The following ADGRA1 variants were observed in gnomAD, a reference collection of about 807,000 sequenced individuals.
ADGRA1 encodes the protein G-protein coupled receptor 123.
Under a neutral mutation model 21.3 loss-of-function variants are expected in ADGRA1, and 12 were observed. The ratio of observed to expected loss-of-function variants is 0.56; its 90% CI spans 0.36 to 0.91. The LOEUF (loss-of-function observed/expected upper bound fraction) is 0.91, where lower values mean the gene tolerates loss of function less well. Among genes scored for constraint, ADGRA1 ranks in the 40% least tolerant of loss-of-function variants. ADGRA1 has a pLI of 0.01. For synonymous variants in ADGRA1, 385 were observed against 368.8 expected (o/e 1.04, Z -0.50); for missense variants, 790 against 805.6 (o/e 0.98, Z 0.23).
chr10:133,105,120 G>A (rs1851869042), intron 5 of ADGRA1, among the ~76,000 whole-genome samples: 1 of 152,240 alleles, frequency 6.6e-6, no homozygotes. Context: ...CAGAAATTTA[G>A]TTCCTGAGTT....
At chr10:133,106,423 G>C (rs1264787461) in intron 5 of ADGRA1, among the ~76,000 whole-genome samples, 1 of 152,242 alleles carries the variant, frequency 6.6e-6, no homozygotes, top group Non-Finnish European at 1.5e-5. Flanking sequence ...CTGTGGTCCT[G>C]CCTGGGACCC....
Position 133,129,338 on chromosome 10 carries a change from G to T in ADGRA1, c.1510G>T (p.Ala504Ser). Residue 504 changes from alanine to serine, a missense_variant, in exon 7 of 7, where the codon GCA becomes TCA. By Grantham distance (99) the Ala-to-Ser change is moderately conservative. Transcript: ENST00000392607. ...CTGCCCCACGCAGCCGGGCAGGGAG[G>T]CAGCGCTCGGGCCCGGCCACTTGGA... is the stretch of plus-strand genomic sequence containing the variant. ...YSCPTQPGREAALGPGHLEML... is the reference protein window; with the variant it reads ...YSCPTQPGRESALGPGHLEML... 1 of 1,574,282 alleles carries T rather than the reference G, an allele frequency of 6.4e-7. No homozygotes were observed. The highest frequency in any genetic ancestry group is 2.4e-5 in the East Asian group (1 of 42,370).
rs371368455 is a variant in ADGRA1 at position 133,098,773 on chromosome 10, G to A, written c.255+10G>A. ...CATCCTGTGCCAGGCGGTGAGTGCC[G>A]GGGCGCCCTCGTTGGCTCCTCCCAG... On this transcript the variant is annotated intron_variant, in intron 4 of 6. Transcript: ENST00000392607. 289 of 1,607,840 alleles carry A rather than the reference G, an allele frequency of 1.8e-4. No individual in the cohort carries two copies. Among genetic ancestry groups the A allele is most frequent in the South Asian group, 5.0e-4 (45 of 90,796 alleles).
intron 5 of ADGRA1, among the ~76,000 whole-genome samples, chr10:133,123,840 G>A (rs575724086): frequency 3.5e-4 from 53 of 152,158 alleles, no homozygotes; most frequent in African/African-American, 1.3e-3. Context: ...TCCCTTTTAA[G>A]AGGACGCCGG....
At chr10:133,120,090 G>A (rs74778155) in intron 5 of ADGRA1, among the ~76,000 whole-genome samples, 4,138 of 152,314 alleles carry the variant, frequency 0.027, 171 homozygotes, top group African/African-American at 0.093. Flanking sequence ...TCCAGTAGAA[G>A]GCTTTCATCT....
Position 133,128,434 on chromosome 10 carries a change from G to C in ADGRA1, c.606G>C (p.Arg202=), listed in dbSNP as rs1274791415. 2.5e-6 allele frequency: 4 copies of C among 1,605,140 alleles called. No homozygotes were observed. Among genetic ancestry groups the C allele is most frequent in the Admixed American group, 3.4e-5 (2 of 59,408 alleles). ...TCCTGGGCACCTACGTGCAGCTGCG[G>C]CGCCACCCAGGGCGCAGGTACGAGC... The part of the protein sequence containing the change: ...VYFLGTYVQL[R]RHPGRRYELR... The change falls in exon 7 of 7, where the codon CGG becomes CGC. Residue 202 remains arginine, a synonymous_variant. Coordinates refer to ENST00000392607, the MANE Select transcript of ADGRA1 (RefSeq NM_001083909.3).
At chr10:133,125,012 T>A (rs930671638) in intron 5 of ADGRA1, among the ~76,000 whole-genome samples, 3 of 152,384 alleles carry the variant, frequency 2.0e-5, no homozygotes, top group African/African-American at 7.2e-5. Context: ...GGGTCCATCC[T>A]GGACACTTCT....
rs773171954 is a variant in ADGRA1 at position 133,129,481 on chromosome 10, G to C, written c.1653G>C (p.Thr551=). ...CCGACGGGACCGGCAACATCCGAACGGGACCCTGGAAAAACGAAACTACTG... is the reference window on the plus strand; with the variant it reads ...CCGACGGGACCGGCAACATCCGAACCGGACCCTGGAAAAACGAAACTACTG... ...FGTDGTGNIR[T]GPWKNETTV is the part of the protein sequence containing the mutation. The change falls in exon 7 of 7, where the codon ACG becomes ACC. Residue 551 remains threonine, a synonymous_variant. Transcript: ENST00000392607. The C allele has an allele frequency of 8.1e-6, 13 of 1,597,878 alleles. No individual in the cohort carries two copies. The highest frequency in any genetic ancestry group is 1.1e-5 in the Non-Finnish European group (13 of 1,179,176).
intron 5 of ADGRA1, among the ~76,000 whole-genome samples, chr10:133,106,271 G>T (rs1387627893): frequency 6.6e-6 from 1 of 152,214 alleles, no homozygotes; most frequent in Non-Finnish European, 1.5e-5. Context: ...CCCTGCTTCA[G>T]TCCCAGGCCC....
At chr10:133,124,899 C>T (rs1852347999) in intron 5 of ADGRA1, among the ~76,000 whole-genome samples, 2 of 152,194 alleles carry the variant, frequency 1.3e-5, no homozygotes, top group Non-Finnish European at 2.9e-5. Flanking sequence ...GCGGCGGCGG[C>T]GAGAAAAGCG....
rs536796453 is a variant in ADGRA1 at position 133,089,080 on chromosome 10, G to A, written c.3+168G>A. The A allele has an allele frequency of 2.9e-5, 34 of 1,188,236 alleles. No homozygotes were observed. In the South Asian group the frequency reaches 5.1e-4, roughly 18 times the overall value. 73.6% of individuals were successfully genotyped at this position (1,188,236 alleles called of 1,614,324 possible). On this transcript the variant is annotated intron_variant, in intron 2 of 6. Coordinates refer to ENST00000392607, the MANE Select transcript of ADGRA1 (RefSeq NM_001083909.3). ...GAGGCTCTGTGGAGTGGGGGCCGGG[G>A]ACAGGCCGCGTGTCTGGGCACCTCT... is the stretch of plus-strand genomic sequence containing the variant.
intron 5 of ADGRA1, among the ~76,000 whole-genome samples, chr10:133,109,526 G>T (rs571605914): frequency 6.6e-6 from 1 of 152,074 alleles, no homozygotes; most frequent in African/African-American, 2.4e-5. Flanking sequence ...AGCACTGAGG[G>T]TCGGTCCCTC....
intron 5 of ADGRA1, among the ~76,000 whole-genome samples, chr10:133,103,393 C>T (rs1430267524): frequency 6.6e-6 from 1 of 152,240 alleles, no homozygotes; most frequent in African/African-American, 2.4e-5. Flanking sequence ...TGGCCCTGGC[C>T]TGGGCCCTTC....
intron 5 of ADGRA1, among the ~76,000 whole-genome samples, chr10:133,103,692 A>C (rs1215836023): frequency 6.6e-6 from 1 of 152,230 alleles, no homozygotes; most frequent in Non-Finnish European, 1.5e-5. Context: ...CTGCACCAGC[A>C]GGAAAAAGCC....
intron 5 of ADGRA1, among the ~76,000 whole-genome samples, chr10:133,107,737 A>G (rs984735962): frequency 2.0e-5 from 3 of 148,202 alleles, no homozygotes; most frequent in African/African-American, 7.5e-5. Context: ...TTTCCTTGTG[A>G]TTTCTTCTCT....
Position 133,128,586 on chromosome 10 carries a change from A to G in ADGRA1, c.758A>G (p.Gln253Arg), listed in dbSNP as rs529804946. Reference protein sequence around the residue: ...ASVLQNEHSFQAQLRAAAFTL... With the variant: ...ASVLQNEHSFRAQLRAAAFTL... ...GTGCTGCAGAACGAGCACTCATTCC[A>G]GGCACAGCTGCGCGCCGCCGCCTTC... Residue 253 changes from glutamine (Q) to arginine (R), a missense_variant, in exon 7 of 7, where the codon CAG (glutamine) becomes CGG (arginine). This residue lies in a region of ADGRA1 where 382 missense variants were observed against 415.6 expected (regional missense o/e 0.92). Coordinates refer to ENST00000392607, the MANE Select transcript of ADGRA1 (RefSeq NM_001083909.3). The G allele has an allele frequency of 3.1e-5, 49 of 1,588,850 alleles. No homozygotes were observed. The East Asian group carries it at 6.4e-4, about 21-fold the overall frequency.
chr10:133,112,372 G>GCA (rs1852051973), intron 5 of ADGRA1, among the ~76,000 whole-genome samples: 1 of 142,624 alleles, frequency 7.0e-6, no homozygotes, highest in African/African-American at 2.6e-5. Context: ...TCTGCGGGCC[G>GCA]TGTCGGTTAT....
chr10:133,097,735 A>C (rs1041046582), intron 3 of ADGRA1, among the ~76,000 whole-genome samples: 15 of 152,334 alleles, frequency 9.8e-5, no homozygotes, highest in Non-Finnish European at 1.5e-4. Flanking sequence ...GTTTATCGAC[A>C]GGAGAAACTG....
intron 4 of ADGRA1, among the ~76,000 whole-genome samples, chr10:133,100,806 C>G (rs570193533): frequency 6.6e-6 from 1 of 152,198 alleles, no homozygotes; most frequent in Non-Finnish European, 1.5e-5. Flanking sequence ...ACTGTGAAGC[C>G]GCGTTCCAGA....
Sources: allele counts gnomAD v4.1 joint callset (sites outside exome capture counted in the v4.1 genomes callset), GRCh38; gene constraint gnomAD v4.1.1; regional missense constraint gnomAD v4.1.1; transcripts MANE v1.5; gene names NCBI Gene and HGNC (gene_info 2026-07-23, HGNC 2026-07-21).